The following PSTPIP2 variants were observed in gnomAD, a reference collection of about 807,000 sequenced individuals.
The protein encoded by PSTPIP2 is proline-serine-threonine phosphatase interacting protein 2.
In PSTPIP2, 33 loss-of-function variants were observed where a neutral mutation model predicts 63.3. That is an observed-to-expected ratio of 0.52 (90% CI 0.40 to 0.70). The LOEUF (loss-of-function observed/expected upper bound fraction) is 0.70. Among genes scored for constraint, PSTPIP2 ranks in the 30% least tolerant of loss-of-function variants. The pLI is 0.00. For synonymous variants in PSTPIP2, 125 were observed against 132.7 expected (o/e 0.94, Z 0.40); for missense variants, 312 against 400.7 (o/e 0.78, Z 1.89).
At chr18:45,993,809 T>A (rs1433753413) in intron 9 of PSTPIP2, 106 bp from the exon 10 acceptor site, 1 of 942,782 alleles carries the variant, frequency 1.1e-6, no homozygotes, top group Admixed American at 2.0e-5. Context: ...ATCTGTAAAC[T>A]TATTGTCCAA....
At chr18:46,064,374 G>A (rs1205643807) in intron 1 of PSTPIP2, among the ~76,000 whole-genome samples, 20 of 117,796 alleles carry the variant, frequency 1.7e-4, no homozygotes, top group South Asian at 6.0e-4. Flanking sequence ...CACTGCAACC[G>A]CCCCCTCCCA....
At chr18:46,007,485 G>A (rs561131869) in intron 5 of PSTPIP2, among the ~76,000 whole-genome samples, 1 of 152,308 alleles carries the variant, frequency 6.6e-6, no homozygotes, top group Non-Finnish European at 1.5e-5. Flanking sequence ...AGGAACCTGC[G>A]GTTCACATGC....
rs1225242779 is a variant in PSTPIP2 at position 46,038,220 on chromosome 18, C to T, written c.134+1727G>A. On this transcript the variant is annotated intron_variant, in intron 2 of 14. Coordinates refer to ENST00000409746, the MANE Select transcript of PSTPIP2 (RefSeq NM_024430.4). Reference sequence around the variant, plus strand: ...AAGACTAGCATTTTTAAATTAAATACTATTGGATAAATTAACAGGGTAGTC... The same window carrying T: ...AAGACTAGCATTTTTAAATTAAATATTATTGGATAAATTAACAGGGTAGTC... 3.3e-5 allele frequency among the ~76,000 whole-genome samples: 5 copies of T among 152,300 alleles called. No individual in the cohort carries two copies. The East Asian group carries it at 9.6e-4, about 29-fold the overall frequency.
chr18:46,059,533 G>A (rs1265975332), intron 1 of PSTPIP2, among the ~76,000 whole-genome samples: 2 of 152,056 alleles, frequency 1.3e-5, no homozygotes, highest in African/African-American at 4.8e-5. Context: ...ACAGGCGTGA[G>A]CCACCGCGCC....
intron 6 of PSTPIP2, among the ~76,000 whole-genome samples, chr18:46,003,794 G>A (rs2051695848): frequency 7.3e-6 from 1 of 137,778 alleles, no homozygotes; most frequent in Non-Finnish European, 1.5e-5. Context: ...CACTCTTGTT[G>A]CCCAGGCTGG....
chr18:45,999,805 C>A (rs780984835), intron 6 of PSTPIP2, among the ~76,000 whole-genome samples: 2 of 152,150 alleles, frequency 1.3e-5, no homozygotes, highest in Non-Finnish European at 2.9e-5. Context: ...AGTACATGAG[C>A]TTTAAAAATG....
intron 3 of PSTPIP2, among the ~76,000 whole-genome samples, chr18:46,016,610 C>A (rs2051855181): frequency 6.6e-6 from 1 of 152,186 alleles, no homozygotes; most frequent in African/African-American, 2.4e-5. Context: ...CAAATCGTAT[C>A]CATTTTTCTA....
chr18:46,043,641 A>T (rs1908276186), intron 1 of PSTPIP2, among the ~76,000 whole-genome samples: 1 of 152,192 alleles, frequency 6.6e-6, no homozygotes, highest in Non-Finnish European at 1.5e-5. Flanking sequence ...AACACACTGA[A>T]TGTCCTAGCC....
At chr18:45,995,246 C>A (rs2051581997) in intron 9 of PSTPIP2, among the ~76,000 whole-genome samples, 1 of 152,040 alleles carries the variant, frequency 6.6e-6, no homozygotes, top group Non-Finnish European at 1.5e-5. Context: ...TCCCAAGTAG[C>A]CTCTACCACC....
chr18:46,059,022 TTTTTTCTTTTTTTC>T (rs138691010), intron 1 of PSTPIP2, among the ~76,000 whole-genome samples: 13,981 of 151,554 alleles, frequency 0.092, 970 homozygotes, highest in East Asian at 0.39. Flanking sequence ...TTAATTCTTT[TTTTTTCTTTTTTTC>T]TTTTTCTTTT....
intron 4 of PSTPIP2, among the ~76,000 whole-genome samples, chr18:46,015,126 G>T (rs1457294535): frequency 6.6e-6 from 1 of 152,168 alleles, no homozygotes; most frequent in African/African-American, 2.4e-5. Flanking sequence ...GCCCAAAATT[G>T]TCCCCTAAAC....
intron 1 of PSTPIP2, among the ~76,000 whole-genome samples, chr18:46,067,465 T>C (rs1909233160): frequency 2.1e-5 from 3 of 142,856 alleles, no homozygotes; most frequent in Non-Finnish European, 4.5e-5. Flanking sequence ...ATCGCACCAC[T>C]GGACTCCAGC....
intron 2 of PSTPIP2, among the ~76,000 whole-genome samples, chr18:46,030,055 G>A (rs961536123): frequency 3.3e-5 from 5 of 151,976 alleles, no homozygotes; most frequent in Admixed American, 1.3e-4. Context: ...CGGAGGTTGT[G>A]GTGAGCTGAG....
intron 8 of PSTPIP2, 128 bp from the exon 9 acceptor site, chr18:45,997,956 G>T: frequency 1.3e-6 from 1 of 750,992 alleles, no homozygotes; most frequent in Non-Finnish European, 2.3e-6. Context: ...AGGCCCCCAG[G>T]ACTCTGAGCA....
chr18:46,052,031 G>C (rs998768018), intron 1 of PSTPIP2, among the ~76,000 whole-genome samples: 1 of 152,202 alleles, frequency 6.6e-6, no homozygotes, highest in African/African-American at 2.4e-5. Context: ...CGGGGAGGCA[G>C]GCAACTGCCA....
intron 1 of PSTPIP2, among the ~76,000 whole-genome samples, chr18:46,071,908 G>A (rs148646651): frequency 0.017 from 2,589 of 152,206 alleles, 67 homozygotes; most frequent in African/African-American, 0.059. Flanking sequence ...CCGAGCCCCC[G>A]GGACTCGCGG....
chr18:46,049,499 A>T (rs4890313), intron 1 of PSTPIP2, among the ~76,000 whole-genome samples: 18,296 of 152,198 alleles, frequency 0.12, 1,420 homozygotes, highest in East Asian at 0.4. Context: ...CAAACAATGT[A>T]AAAAGATGAC....
intron 2 of PSTPIP2, chr18:46,029,250 G>A: frequency 3.2e-6 from 4 of 1,246,346 alleles, no homozygotes; most frequent in Non-Finnish European, 4.7e-6. Context: ...CTTTGAAGAT[G>A]TCTCCCCAGA....
At chr18:46,044,963 C>T (rs1470006499) in intron 1 of PSTPIP2, among the ~76,000 whole-genome samples, 2 of 152,158 alleles carry the variant, frequency 1.3e-5, no homozygotes, top group Non-Finnish European at 2.9e-5. Flanking sequence ...AATGAGATAC[C>T]ATCTCACACC....
Sources: allele counts gnomAD v4.1 joint callset (sites outside exome capture counted in the v4.1 genomes callset), GRCh38; gene constraint gnomAD v4.1.1; transcripts MANE v1.5; gene names NCBI Gene and HGNC (gene_info 2026-07-23, HGNC 2026-07-21).